Variants in SCRIB observed in about 807,000 individuals in gnomAD.
SCRIB encodes the protein scribble planar cell polarity protein, also known as protein scribble homolog.
SCRIB carries 72 observed loss-of-function variants against 170.0 expected under a neutral mutation model. The observed-to-expected ratio is 0.42, with a 90% confidence interval of 0.35 to 0.52. The LOEUF (loss-of-function observed/expected upper bound fraction) is 0.52, where lower values mean the gene tolerates loss of function less well. SCRIB is among the 20% of genes least tolerant of loss of function. The probability of loss-of-function intolerance (pLI) is 0.02; values close to 1 mark genes in which losing one functional copy is unlikely to be tolerated. For synonymous variants in SCRIB, 1,298 were observed against 1,044.3 expected, an observed-to-expected ratio of 1.24 and a Z score of -4.68; for missense variants, 2,475 against 2,338.5, an observed-to-expected ratio of 1.06 and a Z score of -1.20.
At chr8:143,802,717 G>A (rs1815225165) in intron 24 of SCRIB, among the ~76,000 whole-genome samples, 2 of 152,380 alleles carry the variant, frequency 1.3e-5, no homozygotes, top group South Asian at 4.1e-4. Context: ...ACGGAAGGGA[G>A]ATGGGAGCCC....
At position 143,792,189 on chromosome 8, in the gene SCRIB, G is replaced by GGC. The variant is rs782464278; in HGVS notation, c.4514+29_4514+30dup. The GGC allele has an allele frequency of 7.7e-6, 12 of 1,555,124 alleles. No individual in the cohort carries two copies. The African/African-American group carries it at 1.5e-4, about 19-fold the overall frequency. ...GGGCAGGAGCAGGGACAGGCAGCAGGGCGGGGTGGCGACCCCACACAGGGG... is the reference window on the plus strand; with the variant it reads ...GGGCAGGAGCAGGGACAGGCAGCAGGGCGCGGGGTGGCGACCCCACACAGGGG... On this transcript the variant is annotated intron_variant, in intron 32 of 36. Coordinates refer to ENST00000356994, the MANE Select transcript of SCRIB (RefSeq NM_182706.5).
Position 143,795,484 on chromosome 8 carries a change from TG to T in SCRIB, c.3649del (p.His1217ThrfsTer15), listed in dbSNP as rs1413139996. 6.2e-7 allele frequency: 1 copy of T among 1,612,900 alleles called. No homozygotes were observed. On this transcript the variant is annotated frameshift_variant, in exon 25 of 37. Coordinates refer to ENST00000356994, the MANE Select transcript of SCRIB (RefSeq NM_182706.5). LOFTEE classifies it high-confidence loss of function. The stretch of plus-strand genomic sequence containing the variant: ...AGAGATGCTCTCCAGGCTGTTCCGG[TG>T]GCCGATGCCTGCCGCAAAGGGGTTG... The part of the protein sequence containing the change: ...IANPFAAGIG[H>X]RNSLESISSI...
chr8:143,803,051 G>A (rs562907608), intron 24 of SCRIB, among the ~76,000 whole-genome samples: 1 of 152,324 alleles, frequency 6.6e-6, no homozygotes, highest in African/African-American at 2.4e-5. Flanking sequence ...GCAGCCTGAT[G>A]GGACTCTGCA....
chr8:143,805,394 G>T lies in SCRIB; in HGVS notation c.2388C>A (p.Ala796=). Residue 796 remains alanine, a synonymous_variant, in exon 19 of 37, where the codon GCC becomes GCA. Transcript: ENST00000356994. ...TGCCGGCCCCCCGGAGCGCCTCCAC[G>T]GCCTCGTGGTGCTCGGCGCCCTGCA... is the stretch of plus-strand genomic sequence containing the variant. ...VALQGAEHHE[A]VEALRGAGTA... 6.5e-7 allele frequency: 1 copy of T among 1,540,122 alleles called. No individual in the cohort carries two copies. The highest frequency in any genetic ancestry group is 8.7e-7 in the Non-Finnish European group (1 of 1,148,190).
At chr8:143,797,413 G>A (rs946496901) in intron 24 of SCRIB, among the ~76,000 whole-genome samples, 12 of 152,340 alleles carry the variant, frequency 7.9e-5, no homozygotes, top group African/African-American at 2.9e-4. Context: ...TGGCAGTGGT[G>A]GGTCAGGAAT....
At chr8:143,793,764 G>C in intron 28 of SCRIB, 136 bp downstream of exon 28, 1 of 801,666 alleles carries the variant, frequency 1.2e-6, no homozygotes, top group Non-Finnish European at 2.0e-6. Context: ...CATGGTAGCA[G>C]AGGGAAAACC....
intron 9 of SCRIB, 131 bp from the exon 10 acceptor site, chr8:143,811,476 C>T (rs181745110): frequency 3.0e-5 from 23 of 766,878 alleles, no homozygotes; most frequent in Admixed American, 7.4e-5. Context: ...CCCTGGAGAC[C>T]GGGACAAGGA....
chr8:143,815,753 G>A lies in SCRIB; in HGVS notation c.-381C>T. Reference sequence around the variant, plus strand: ...CCGACACCCACCCGGCCGCCGCGCAGCCCGTCGGGAAGCCGAGTCCGGCCC... The same window carrying A: ...CCGACACCCACCCGGCCGCCGCGCAACCCGTCGGGAAGCCGAGTCCGGCCC... On this transcript the variant is annotated 5_prime_UTR_variant, in exon 1 of 37. Coordinates refer to ENST00000356994, the MANE Select transcript of SCRIB (RefSeq NM_182706.5). 3 of 983,914 alleles carry A rather than the reference G, an allele frequency of 3.0e-6. No individual in the cohort carries two copies. Among genetic ancestry groups the A allele is most frequent in the Non-Finnish European group, 3.6e-6 (3 of 829,486 alleles). The allele number at this position is 983,914 out of a possible 1,614,324, so 60.9% of individuals were successfully genotyped here.
In SCRIB at chr8:143,812,863, G is replaced by A; in HGVS notation, c.741C>T (p.Asp247=). The A allele has an allele frequency of 2.5e-6, 4 of 1,607,124 alleles. No homozygotes were observed. The highest frequency in any genetic ancestry group is 3.4e-6 in the Non-Finnish European group (4 of 1,179,848). ...GCAGCAGGTTCTGGGACAGCAGCAG[G>A]TCAGTGAGCAGCACCAGCCCGCCGA... The part of the protein sequence containing the change: ...AELGGLVLLT[D]LLLSQNLLRR... The change falls in exon 8 of 37, where the codon GAC becomes GAT. Residue 247 remains aspartate, a synonymous_variant. Coordinates refer to ENST00000356994, the MANE Select transcript of SCRIB (RefSeq NM_182706.5).
Position 143,791,057 on chromosome 8 carries a change from TG to T in SCRIB, c.*105del. 1 of 1,230,072 alleles carries T rather than the reference TG, an allele frequency of 8.1e-7. No homozygotes were observed. Among genetic ancestry groups the T allele is most frequent in the Non-Finnish European group, 1.0e-6 (1 of 960,338 alleles). 76.2% of individuals were successfully genotyped at this position (1,230,072 alleles called of 1,614,324 possible). A position where few individuals can be genotyped will look rare whatever the true frequency, so the allele number is the denominator to read the frequency against. ...AGTTAGTCACAGGCCAGAACTCCTGTGGGGTCTCTTTAAAATGCTAACACCC... is the reference window on the plus strand; with the variant it reads ...AGTTAGTCACAGGCCAGAACTCCTGTGGGTCTCTTTAAAATGCTAACACCC... On this transcript the variant is annotated 3_prime_UTR_variant, in exon 37 of 37. Transcript: ENST00000356994.
intron 34 of SCRIB, 35 bp downstream of exon 34, chr8:143,791,841 G>T: frequency 1.3e-6 from 2 of 1,543,190 alleles, no homozygotes; most frequent in Non-Finnish European, 8.8e-7. Flanking sequence ...CCATGCCTCG[G>T]GGGTGAAGGG....
chr8:143,806,306 T>C (rs1314949485), intron 18 of SCRIB, 101 bp downstream of exon 18: 3 of 925,736 alleles, frequency 3.2e-6, no homozygotes, highest in East Asian at 2.6e-5. Flanking sequence ...CTTGGAACTC[T>C]TGGGGAGGCC....
In SCRIB at chr8:143,791,453, G is replaced by A. The variant is rs782345419; in HGVS notation, c.4771-13C>T. The A allele has an allele frequency of 4.3e-6, 7 of 1,609,618 alleles. No homozygotes were observed. In the Admixed American group the frequency reaches 1.2e-4, roughly 27 times the overall value. ...CAAAGTCCGGTGACTGTGATGGGGA[G>A]AGTGTTGGTCAGGCCGGTGCCAGCC... On this transcript the variant is annotated splice_polypyrimidine_tract_variant and intron_variant, in intron 35 of 36. Transcript: ENST00000356994.
chr8:143,792,333 G>A lies in SCRIB; in HGVS notation c.4401C>T (p.His1467=), dbSNP rs1554633020. The A allele has an allele frequency of 6.5e-7, 1 of 1,547,184 alleles. No homozygotes were observed. The highest frequency in any genetic ancestry group is 8.7e-7 in the Non-Finnish European group (1 of 1,152,998). Residue 1467 remains histidine (H), a synonymous_variant, in exon 32 of 37, where the codon CAC becomes CAT. Transcript: ENST00000356994. The part of the protein sequence containing the change: ...PVRTAKAERR[H]QERLRVQSPE... ...GACTCTGCACGCGCAGCCGCTCCTGGTGGCGCCGTTCAGCTTTGGCCGTCC... is the reference window on the plus strand; with the variant it reads ...GACTCTGCACGCGCAGCCGCTCCTGATGGCGCCGTTCAGCTTTGGCCGTCC...
rs776613812 is a variant in SCRIB, at chr8:143,809,707, C to A, written c.1542G>T (p.Leu514=). ...CTTCACTCAGGCCAGACTCGGCACT[C>A]AGCCGCTTCTCCTGCGGCGGGAAGT... ...SPLPAEEEKR[L]SAESGLSEDS... The change falls in exon 14 of 37, where the codon CTG becomes CTT. Residue 514 remains leucine (L), a synonymous_variant. Transcript: ENST00000356994. 1 of 1,608,934 alleles carries A rather than the reference C, an allele frequency of 6.2e-7. No homozygotes were observed. The highest frequency in any genetic ancestry group is 1.1e-5 in the South Asian group (1 of 91,078).
intron 1 of SCRIB, chr8:143,814,718 C>G (rs957024090): frequency 6.1e-6 from 1 of 163,996 alleles, no homozygotes; most frequent in African/African-American, 2.4e-5. Flanking sequence ...CTCCAGCCTC[C>G]TTTCTTGTAG....
chr8:143,792,968 C>T lies in SCRIB; in HGVS notation c.4017+8G>A. The stretch of plus-strand genomic sequence containing the variant: ...CGCGCAGCAGGGAGGCGTGCTGCCC[C>T]CACACACCTGGGCAGGGGCATCCTC... On this transcript the variant is annotated splice_region_variant and intron_variant, in intron 29 of 36. Transcript: ENST00000356994. 1 of 1,501,854 alleles carries T rather than the reference C, an allele frequency of 6.7e-7. No homozygotes were observed. 93.0% of individuals were successfully genotyped at this position (1,501,854 alleles called of 1,614,324 possible). A position where few individuals can be genotyped will look rare whatever the true frequency, so the allele number is the denominator to read the frequency against.
intron 24 of SCRIB, among the ~76,000 whole-genome samples, chr8:143,800,099 G>A (rs1376376367): frequency 1.1e-4 from 15 of 138,804 alleles, no homozygotes; most frequent in East Asian, 2.1e-4. Flanking sequence ...CGGCCTGGCC[G>A]TGCCACGTCC....
intron 27 of SCRIB, chr8:143,794,246 A>C (rs1273344945): frequency 2.2e-6 from 1 of 446,660 alleles, no homozygotes; most frequent in East Asian, 3.3e-5. Context: ...CGGAGAAGAG[A>C]GCAGGGAGGG....
Sources: gnomAD v4.1 joint callset for allele counts (sites outside exome capture counted in the v4.1 genomes callset) on GRCh38, gnomAD v4.1.1 for gene constraint, MANE v1.5 for transcripts, NCBI Gene and HGNC (gene_info 2026-07-23, HGNC 2026-07-21) for gene names.